SPAG6: variants seen among roughly 807,000 people sequenced by gnomAD.
SPAG6 encodes sperm associated antigen 6, also known as sperm-associated antigen 6.
Under a neutral mutation model 58.5 loss-of-function variants are expected in SPAG6, and 49 were observed. That is an observed-to-expected ratio of 0.84 (90% CI 0.67 to 1.06). SPAG6 has a LOEUF of 1.06. Among genes scored for constraint, SPAG6 ranks in the 50% least tolerant of loss-of-function variants. SPAG6 has a pLI of 0.00. For missense variants in SPAG6, 560 were observed against 611.3 expected, an observed-to-expected ratio of 0.92 and a Z score of 0.89; for synonymous variants, 233 against 225.6, an observed-to-expected ratio of 1.03 and a Z score of -0.29.
intron 8 of SPAG6, among the ~76,000 whole-genome samples, chr10:22,398,933 C>G (rs1475207691): frequency 2.0e-5 from 3 of 152,086 alleles, no homozygotes; most frequent in Non-Finnish European, 4.4e-5. Context: ...ATTCTCCTGC[C>G]TCAGCCTCCT....
At chr10:22,403,554 T>C (rs1360491920) in intron 9 of SPAG6, among the ~76,000 whole-genome samples, 1 of 151,790 alleles carries the variant, frequency 6.6e-6, no homozygotes, top group Non-Finnish European at 1.5e-5. Flanking sequence ...TTTGGGTTGG[T>C]TCCAAGTCTT....
At chr10:22,371,410 T>C (rs1461288474) in intron 4 of SPAG6, among the ~76,000 whole-genome samples, 2 of 152,060 alleles carry the variant, frequency 1.3e-5, no homozygotes, top group South Asian at 2.1e-4. Context: ...CACCCCACCA[T>C]GCCCAGCTAA....
intron 10 of SPAG6, chr10:22,411,705 A>C (rs1459579966): frequency 6.6e-6 from 1 of 152,254 alleles, no homozygotes; most frequent in African/African-American, 2.4e-5. Flanking sequence ...TTAATAAAAA[A>C]GATTCATTTT....
intron 4 of SPAG6, among the ~76,000 whole-genome samples, chr10:22,373,127 T>C (rs778118535): frequency 1.6e-4 from 25 of 152,202 alleles, no homozygotes; most frequent in Non-Finnish European, 1.0e-4. Flanking sequence ...CTTTCTCTTG[T>C]GGACCTGATT....
intron 4 of SPAG6, among the ~76,000 whole-genome samples, chr10:22,383,032 A>C (rs1235777995): frequency 6.6e-6 from 1 of 152,228 alleles, no homozygotes; most frequent in African/African-American, 2.4e-5. Flanking sequence ...GATATGTCAC[A>C]TATTATTGTG....
At chr10:22,407,723 TG>T (rs1374940152) in intron 9 of SPAG6, among the ~76,000 whole-genome samples, 5 of 152,204 alleles carry the variant, frequency 3.3e-5, no homozygotes, top group Non-Finnish European at 5.9e-5. Flanking sequence ...GATAATATCC[TG>T]CAGAATGTTT....
At chr10:22,359,578 G>C (rs1836974137) in intron 2 of SPAG6, among the ~76,000 whole-genome samples, 2 of 152,042 alleles carry the variant, frequency 1.3e-5, no homozygotes. Context: ...GTTTTTGTTA[G>C]GGATAATGAA....
At chr10:22,350,246 T>G (rs2132027852) in intron 2 of SPAG6, among the ~76,000 whole-genome samples, 1 of 152,296 alleles carries the variant, frequency 6.6e-6, no homozygotes, top group East Asian at 1.9e-4. Context: ...GCCAAGGAGC[T>G]ATACACATTC....
intron 4 of SPAG6, among the ~76,000 whole-genome samples, chr10:22,381,945 A>G (rs997806224): frequency 6.6e-6 from 1 of 152,228 alleles, no homozygotes; most frequent in Non-Finnish European, 1.5e-5. Context: ...AACACTTCTC[A>G]TGCCTGTTAC....
chr10:22,366,846 T>A (rs1345032749), intron 3 of SPAG6, among the ~76,000 whole-genome samples: 2 of 152,088 alleles, frequency 1.3e-5, no homozygotes, highest in Non-Finnish European at 2.9e-5. Flanking sequence ...GTTAATTAGT[T>A]GTAGAGAGAC....
chr10:22,357,218 C>G (rs1448266179), intron 2 of SPAG6, among the ~76,000 whole-genome samples: 1 of 152,098 alleles, frequency 6.6e-6, no homozygotes, highest in African/African-American at 2.4e-5. Flanking sequence ...GTGTTGCCTC[C>G]CCATGTCCCT....
At chr10:22,403,028 A>G (rs1834451981) in intron 9 of SPAG6, among the ~76,000 whole-genome samples, 1 of 152,234 alleles carries the variant, frequency 6.6e-6, no homozygotes, top group East Asian at 1.9e-4. Flanking sequence ...AAAATACATA[A>G]AACCAGTGGG....
At position 22,345,817 on chromosome 10, in the gene SPAG6, G is replaced by T; in HGVS notation, c.120G>T (p.Ala40=). ...RPQNIETLQN[A]GVMSLLRTLL... ...AAAACATCGAGACGCTGCAGAACGC[G>T]GGTGAGCCCGGAGCCCGAACCCCCG... The change falls in exon 2 of 11, where the codon GCG becomes GCT. Residue 40 remains alanine (A), a splice_region_variant and synonymous_variant. Transcript: ENST00000376624. The surrounding 1 kb of genome is among the most constrained non-coding windows in gnomAD (Gnocchi z 6.3). 6.2e-7 allele frequency: 1 copy of T among 1,612,482 alleles called. No homozygotes were observed. Among genetic ancestry groups the T allele is most frequent in the Non-Finnish European group, 8.5e-7 (1 of 1,179,382 alleles).
Position 22,345,926 on chromosome 10 carries a change from G to A in SPAG6, c.121+108G>A. ...CTTGGGGAGCCGCAGTGTGGGGACC[G>A]GAGTTCGCAAAAGCATCCATTCTTT... On this transcript the variant is annotated intron_variant, in intron 2 of 10. Coordinates refer to ENST00000376624, the MANE Select transcript of SPAG6 (RefSeq NM_012443.4). This position sits in a 1 kb window ranked among gnomAD's most constrained non-coding sequence, Gnocchi z 6.3. 1.3e-6 allele frequency: 2 copies of A among 1,568,448 alleles called. No homozygotes were observed. The highest frequency in any genetic ancestry group is 1.2e-5 in the South Asian group (1 of 85,542).
chr10:22,364,126 A>G (rs1837125637), intron 2 of SPAG6, among the ~76,000 whole-genome samples: 1 of 152,118 alleles, frequency 6.6e-6, no homozygotes, highest in Non-Finnish European at 1.5e-5. Context: ...AAATGTATAA[A>G]TTATAACCTT....
At chr10:22,381,636 A>T (rs1452543389) in intron 4 of SPAG6, among the ~76,000 whole-genome samples, 3 of 151,760 alleles carry the variant, frequency 2.0e-5, no homozygotes, top group African/African-American at 7.3e-5. Flanking sequence ...TAATTGAGAG[A>T]GGTTGCAGTC....
chr10:22,355,330 T>C (rs1836838568), intron 2 of SPAG6, among the ~76,000 whole-genome samples: 1 of 152,176 alleles, frequency 6.6e-6, no homozygotes, highest in Admixed American at 6.5e-5. Context: ...GCTATATAAG[T>C]GTTTGCTAAA....
intron 4 of SPAG6, among the ~76,000 whole-genome samples, chr10:22,376,663 T>C (rs1833821845): frequency 6.6e-6 from 1 of 152,086 alleles, no homozygotes; most frequent in Non-Finnish European, 1.5e-5. Context: ...GTATGACCTG[T>C]AGTAGCCAGC....
At chr10:22,359,892 T>G (rs1476764807) in intron 2 of SPAG6, among the ~76,000 whole-genome samples, 1 of 152,186 alleles carries the variant, frequency 6.6e-6, no homozygotes. Flanking sequence ...GGGGGGATAC[T>G]TGTTTTTAAA....
Sources: allele counts gnomAD v4.1 joint callset (sites outside exome capture counted in the v4.1 genomes callset), GRCh38; gene constraint gnomAD v4.1.1; non-coding constraint Gnocchi (gnomAD v3.1); transcripts MANE v1.5; gene names NCBI Gene and HGNC (gene_info 2026-07-23, HGNC 2026-07-21).